Variants in CDKAL1 observed in about 807,000 individuals in gnomAD.
CDKAL1 encodes the protein threonylcarbamoyladenosine tRNA methylthiotransferase.
A neutral mutation model predicts 68.2 loss-of-function variants in CDKAL1; 32 were observed. The observed-to-expected ratio is 0.47, with a 90% CI of 0.35 to 0.63. CDKAL1 has a LOEUF of 0.63. Ranked by LOEUF, CDKAL1 falls within the 30% of genes least tolerant of loss-of-function variation. CDKAL1 has a pLI of 0.00. For synonymous variants in CDKAL1, 234 were observed against 244.3 expected (o/e 0.96, Z 0.39); for missense variants, 606 against 696.7 (o/e 0.87, Z 1.47).
intron 4 of CDKAL1, among the ~76,000 whole-genome samples, chr6:20,622,299 A>C (rs137981575): frequency 6.6e-6 from 1 of 152,182 alleles, no homozygotes; most frequent in African/African-American, 2.4e-5. Context: ...CCCTACCCCA[A>C]GGAAAAAATT....
intron 11 of CDKAL1, among the ~76,000 whole-genome samples, chr6:21,037,089 T>A (rs1023698210): frequency 6.6e-6 from 1 of 152,202 alleles, no homozygotes; most frequent in African/African-American, 2.4e-5. Flanking sequence ...TCATTCATGA[T>A]GTTTTAATGG....
chr6:21,206,532 C>T lies in CDKAL1; in HGVS notation c.1548+5258C>T, dbSNP rs192191065. 1.8e-4 allele frequency among the ~76,000 whole-genome samples: 28 copies of T among 152,124 alleles called. No homozygotes were observed. The South Asian group carries it at 3.1e-3, about 17-fold the overall frequency. On this transcript the variant is annotated intron_variant, in intron 15 of 15. Transcript: ENST00000274695. ...AGTCAGAACTATTCTTTGCCTGGTA[C>T]GAGATAGAAAAGAACATTTTCTCTT...
At chr6:20,545,539 C>T (rs1396851517) in intron 2 of CDKAL1, among the ~76,000 whole-genome samples, 1 of 152,052 alleles carries the variant, frequency 6.6e-6, no homozygotes, top group Non-Finnish European at 1.5e-5. Flanking sequence ...TGGGTTCCAG[C>T]GATTCTCCTT....
chr6:21,205,830 C>CTTTTTTTTTTTTTTTTTTTTTTTTT (rs34849597), intron 15 of CDKAL1, among the ~76,000 whole-genome samples: 1 of 66,610 alleles, frequency 1.5e-5, no homozygotes, highest in African/African-American at 8.7e-5. Context: ...CGCGCCCAGC[C>CTTTTTTTTTTTTTTTTTTTTTTTTT]TTTTTTTTTT....
At chr6:21,116,458 A>G (rs1385257563) in intron 13 of CDKAL1, among the ~76,000 whole-genome samples, 1 of 152,208 alleles carries the variant, frequency 6.6e-6, no homozygotes, top group Non-Finnish European at 1.5e-5. Context: ...CTTTATACCA[A>G]CATTCTAAGG....
intron 10 of CDKAL1, among the ~76,000 whole-genome samples, chr6:20,979,925 C>G (rs551931611): frequency 6.6e-6 from 1 of 151,774 alleles, no homozygotes; most frequent in Non-Finnish European, 1.5e-5. Flanking sequence ...GCATGCACCA[C>G]CACACCTGGC....
chr6:20,905,863 C>G (rs1762208432), intron 9 of CDKAL1, among the ~76,000 whole-genome samples: 1 of 140,120 alleles, frequency 7.1e-6, no homozygotes, highest in African/African-American at 2.7e-5. Flanking sequence ...AACTGTTCTT[C>G]ATGAGTGAGA....
intron 9 of CDKAL1, among the ~76,000 whole-genome samples, chr6:20,846,990 A>C (rs1778399521): frequency 6.6e-6 from 1 of 152,142 alleles, no homozygotes; most frequent in Non-Finnish European, 1.5e-5. Context: ...AGTAACTTGG[A>C]GTGCTAGTTT....
At chr6:20,750,235 A>G (rs1773857148) in intron 6 of CDKAL1, among the ~76,000 whole-genome samples, 2 of 151,894 alleles carry the variant, frequency 1.3e-5, no homozygotes, top group African/African-American at 2.4e-5. Flanking sequence ...GCCACCACAC[A>G]TGGCTAATTT....
intron 11 of CDKAL1, among the ~76,000 whole-genome samples, chr6:21,025,053 G>A (rs1227942808): frequency 1.3e-5 from 2 of 152,154 alleles, no homozygotes; most frequent in East Asian, 3.8e-4. Flanking sequence ...GACTAAAAAT[G>A]TATTTTGTTG....
At chr6:20,947,746 C>G (rs986903419) in intron 9 of CDKAL1, among the ~76,000 whole-genome samples, 1 of 152,110 alleles carries the variant, frequency 6.6e-6, no homozygotes, top group African/African-American at 2.4e-5. Flanking sequence ...TAATACAAAG[C>G]CTATTTTATA....
intron 12 of CDKAL1, among the ~76,000 whole-genome samples, chr6:21,090,805 CT>C (rs67647227): frequency 0.13 from 17,224 of 132,282 alleles, 781 homozygotes; most frequent in East Asian, 0.25. Flanking sequence ...TTTCTTTTTT[CT>C]TTTTTTTTTT....
chr6:20,861,527 G>A (rs1759629074), intron 9 of CDKAL1, among the ~76,000 whole-genome samples: 2 of 152,076 alleles, frequency 1.3e-5, no homozygotes, highest in South Asian at 4.1e-4. Flanking sequence ...AACAAATTTG[G>A]AAAAGCAACA....
intron 4 of CDKAL1, among the ~76,000 whole-genome samples, chr6:20,582,434 T>C (rs1765177490): frequency 6.6e-6 from 1 of 152,190 alleles, no homozygotes; most frequent in Admixed American, 6.5e-5. Flanking sequence ...TATGAGATAA[T>C]TTTCAAATGT....
chr6:20,863,941 G>A (rs2150528487), intron 9 of CDKAL1, among the ~76,000 whole-genome samples: 1 of 152,182 alleles, frequency 6.6e-6, no homozygotes, highest in East Asian at 1.9e-4. Context: ...ATATGCAATG[G>A]TCTGACCTTC....
chr6:20,966,394 C>T (rs1424569396), intron 10 of CDKAL1, among the ~76,000 whole-genome samples: 1 of 152,164 alleles, frequency 6.6e-6, no homozygotes, highest in Non-Finnish European at 1.5e-5. Context: ...ATTATAGACT[C>T]CTACTGCTCA....
chr6:21,183,425 A>T (rs1228410111), intron 13 of CDKAL1, among the ~76,000 whole-genome samples: 1 of 152,182 alleles, frequency 6.6e-6, no homozygotes, highest in African/African-American at 2.4e-5. Context: ...TTTTTAGCAT[A>T]TTTAACAATA....
intron 15 of CDKAL1, among the ~76,000 whole-genome samples, chr6:21,219,137 T>C (rs1283669026): frequency 6.6e-6 from 1 of 152,174 alleles, no homozygotes; most frequent in South Asian, 2.1e-4. Context: ...GGGTTCAGTT[T>C]AGTGTAATTA....
chr6:20,834,822 A>G (rs1304146095), intron 8 of CDKAL1, among the ~76,000 whole-genome samples: 2 of 152,186 alleles, frequency 1.3e-5, no homozygotes, highest in Non-Finnish European at 2.9e-5. Context: ...AGAAATTGGC[A>G]TTATGGATGA....
Sources: allele counts gnomAD v4.1 joint callset (sites outside exome capture counted in the v4.1 genomes callset), GRCh38; gene constraint gnomAD v4.1.1; transcripts MANE v1.5; gene names NCBI Gene and HGNC (gene_info 2026-07-23, HGNC 2026-07-21).